TSNARE1: variants seen among roughly 807,000 people sequenced by gnomAD.
The protein encoded by TSNARE1 is t-SNARE domain containing 1, also known as t-SNARE domain-containing protein 1.
In TSNARE1, 49 loss-of-function variants were observed where a neutral mutation model predicts 62.0. The ratio of observed to expected loss-of-function variants is 0.79; its 90% confidence interval spans 0.63 to 1.00. TSNARE1 has a LOEUF of 1.00. Ranked by LOEUF, TSNARE1 falls within the 50% of genes least tolerant of loss-of-function variation. The pLI, the probability that TSNARE1 is intolerant of heterozygous loss-of-function variation, is 0.00. For missense variants in TSNARE1, 755 were observed against 700.1 expected, an observed-to-expected ratio of 1.08 and a Z score of -0.88; for synonymous variants, 328 against 294.4, an observed-to-expected ratio of 1.11 and a Z score of -1.17.
chr8:142,230,714 G>GGTTACCCCTCTGGGTC (rs1192480101), intron 12 of TSNARE1, among the ~76,000 whole-genome samples: 14 of 152,002 alleles, frequency 9.2e-5, no homozygotes, highest in Non-Finnish European at 2.1e-4. Context: ...GAGTCCCCTC[G>GGTTACCCCTCTGGGTC]GTTACCCCTC....
intron 12 of TSNARE1, among the ~76,000 whole-genome samples, chr8:142,231,750 G>A (rs1267136168): frequency 6.6e-6 from 1 of 152,180 alleles, no homozygotes. Context: ...CAGAAGAGGA[G>A]ATGGCTCAGA....
chr8:142,368,527 G>T (rs2130990699), intron 1 of TSNARE1, among the ~76,000 whole-genome samples: 1 of 152,286 alleles, frequency 6.6e-6, no homozygotes, highest in Admixed American at 6.5e-5. Flanking sequence ...AAAGACAAGA[G>T]AGTCCCAGGA....
chr8:142,245,294 G>GT (rs1472216424), intron 12 of TSNARE1, among the ~76,000 whole-genome samples: 1 of 152,184 alleles, frequency 6.6e-6, no homozygotes, highest in Non-Finnish European at 1.5e-5. Flanking sequence ...AAGCAACTGC[G>GT]TCCCTGAGAC....
intron 9 of TSNARE1, among the ~76,000 whole-genome samples, chr8:142,307,908 T>TTC (rs1282448486): frequency 1.3e-5 from 2 of 152,224 alleles, no homozygotes; most frequent in African/African-American, 4.8e-5. Flanking sequence ...CACTCATGTT[T>TTC]GCTCTAGTTA....
chr8:142,300,352 G>A, intron 10 of TSNARE1, 134 bp downstream of exon 10: 1 of 1,037,860 alleles, frequency 9.6e-7, no homozygotes, highest in Non-Finnish European at 1.4e-6. Flanking sequence ...AATGGGCAAG[G>A]CCATGGAGGC....
At chr8:142,292,669 G>C (rs1345415793) in intron 10 of TSNARE1, among the ~76,000 whole-genome samples, 2 of 152,150 alleles carry the variant, frequency 1.3e-5, no homozygotes, top group Non-Finnish European at 2.9e-5. Context: ...GGTGAGGACA[G>C]GGAAGGAGAG....
intron 9 of TSNARE1, among the ~76,000 whole-genome samples, chr8:142,304,142 A>C (rs1336182818): frequency 6.6e-6 from 1 of 152,370 alleles, no homozygotes; most frequent in East Asian, 1.9e-4. Flanking sequence ...AGATCTAAAA[A>C]ATCTGTTGAC....
At chr8:142,302,097 C>T (rs1204501954) in intron 9 of TSNARE1, among the ~76,000 whole-genome samples, 1 of 152,162 alleles carries the variant, frequency 6.6e-6, no homozygotes, top group East Asian at 1.9e-4. Context: ...ATATGGGAGA[C>T]TCAGGGAGTT....
At chr8:142,402,114 C>G (rs958300733) in intron 1 of TSNARE1, among the ~76,000 whole-genome samples, 1 of 152,086 alleles carries the variant, frequency 6.6e-6, no homozygotes, top group Admixed American at 6.6e-5. Context: ...AAGCCAGGAG[C>G]GAGCCAGGAA....
At chr8:142,277,045 G>A (rs893181067) in intron 11 of TSNARE1, 9 of 985,390 alleles carry the variant, frequency 9.1e-6, no homozygotes, top group Middle Eastern at 5.2e-4. Flanking sequence ...GGTTTGGTGC[G>A]TGGGACCTGT....
chr8:142,391,374 G>A (rs554826155), intron 1 of TSNARE1, among the ~76,000 whole-genome samples: 101 of 133,336 alleles, frequency 7.6e-4, no homozygotes, highest in African/African-American at 2.6e-3. Context: ...TGTACACTGC[G>A]GGAGACTCTG....
intron 12 of TSNARE1, among the ~76,000 whole-genome samples, chr8:142,260,132 C>G (rs553611679): frequency 6.6e-6 from 1 of 152,048 alleles, no homozygotes; most frequent in African/African-American, 2.4e-5. Context: ...CTCCTTCCTC[C>G]GGTCTCCACA....
chr8:142,272,001 C>T (rs975844717), intron 12 of TSNARE1, among the ~76,000 whole-genome samples: 7 of 151,894 alleles, frequency 4.6e-5, no homozygotes, highest in African/African-American at 1.7e-4. Flanking sequence ...GTGCTCCATC[C>T]GCTCGTCCGC....
At chr8:142,321,382 TAGAAAAG>T (rs1829459466) in intron 6 of TSNARE1, among the ~76,000 whole-genome samples, 1 of 152,002 alleles carries the variant, frequency 6.6e-6, no homozygotes, top group Non-Finnish European at 1.5e-5. Flanking sequence ...ATTCTTATAT[TAGAAAAG>T]AGAAAAGAAT....
chr8:142,222,944 T>TCACTTATC (rs1816486267), intron 13 of TSNARE1, among the ~76,000 whole-genome samples: 1 of 151,436 alleles, frequency 6.6e-6, no homozygotes, highest in Non-Finnish European at 1.5e-5. Context: ...ACTCATTCAC[T>TCACTTATC]CACTCATCCA....
intron 13 of TSNARE1, among the ~76,000 whole-genome samples, chr8:142,224,858 A>G (rs1261568256): frequency 3.3e-5 from 5 of 152,148 alleles, no homozygotes; most frequent in Admixed American, 2.6e-4. Context: ...AGCAGTCAGG[A>G]TGCTGATGAG....
At chr8:142,377,219 T>C (rs1055195913) in intron 1 of TSNARE1, among the ~76,000 whole-genome samples, 4 of 152,188 alleles carry the variant, frequency 2.6e-5, no homozygotes, top group Non-Finnish European at 5.9e-5. Flanking sequence ...ACCCAAGATC[T>C]ATCCCAGATA....
intron 9 of TSNARE1, among the ~76,000 whole-genome samples, chr8:142,301,700 C>A (rs1825810099): frequency 6.6e-6 from 1 of 152,162 alleles, no homozygotes; most frequent in African/African-American, 2.4e-5. Flanking sequence ...GGAAAAGGCA[C>A]CGAGAATGGG....
At chr8:142,398,176 C>T (rs1157163834) in intron 1 of TSNARE1, among the ~76,000 whole-genome samples, 1 of 152,060 alleles carries the variant, frequency 6.6e-6, no homozygotes, top group African/African-American at 2.4e-5. Flanking sequence ...GCCTCACCAG[C>T]ATCCAGGATT....
Sources: gnomAD v4.1 joint callset for allele counts (sites outside exome capture counted in the v4.1 genomes callset) on GRCh38, gnomAD v4.1.1 for gene constraint, MANE v1.5 for transcripts, NCBI Gene and HGNC (gene_info 2026-07-23, HGNC 2026-07-21) for gene names.